ASIC2: variants seen among roughly 807,000 people sequenced by gnomAD.
ASIC2 encodes the protein acid-sensing ion channel 2.
A neutral mutation model predicts 57.3 loss-of-function variants in ASIC2; 25 were observed. The ratio of observed to expected loss-of-function variants is 0.44; its 90% confidence interval spans 0.32 to 0.61. The LOEUF (loss-of-function observed/expected upper bound fraction) is 0.61. Ranked by LOEUF, ASIC2 falls within the 20% of genes least tolerant of loss-of-function variation. ASIC2 has a pLI of 0.06. For missense variants in ASIC2, 641 were observed against 738.1 expected (o/e 0.87, Z 1.52); for synonymous variants, 319 against 307.5 (o/e 1.04, Z -0.39).
At chr17:33,388,061 T>A (rs1048304858) in intron 1 of ASIC2, among the ~76,000 whole-genome samples, 2 of 151,476 alleles carry the variant, frequency 1.3e-5, no homozygotes, top group Admixed American at 1.3e-4. Context: ...GCCTGGACAA[T>A]AGAGAGAGAC....
At chr17:33,355,981 A>G (rs1166600888) in intron 1 of ASIC2, among the ~76,000 whole-genome samples, 1 of 152,238 alleles carries the variant, frequency 6.6e-6, no homozygotes, top group East Asian at 1.9e-4. Flanking sequence ...GGTAGTGGTC[A>G]GGGAAGGCTT....
chr17:33,570,802 C>CCT (rs376055061), intron 1 of ASIC2, among the ~76,000 whole-genome samples: 2 of 151,654 alleles, frequency 1.3e-5, no homozygotes, highest in Non-Finnish European at 2.9e-5. Context: ...GATGACCAGG[C>CCT]CTCTCTCTCT....
intron 1 of ASIC2, among the ~76,000 whole-genome samples, chr17:34,024,129 C>G (rs1041888449): frequency 6.6e-6 from 1 of 152,170 alleles, no homozygotes; most frequent in East Asian, 1.9e-4. Flanking sequence ...TCTTGAGAAC[C>G]TGGACTCAGT....
At chr17:33,153,671 A>G (rs1380420711) in intron 1 of ASIC2, among the ~76,000 whole-genome samples, 1 of 152,170 alleles carries the variant, frequency 6.6e-6, no homozygotes, top group Non-Finnish European at 1.5e-5. Flanking sequence ...TATGGTGAAC[A>G]CTGATGTCTC....
intron 1 of ASIC2, among the ~76,000 whole-genome samples, chr17:33,917,185 G>T (rs964037220): frequency 6.6e-6 from 1 of 151,912 alleles, no homozygotes; most frequent in African/African-American, 2.4e-5. Flanking sequence ...CCTGCACTCT[G>T]CTGTATCCTA....
At chr17:33,350,724 A>G (rs975607170) in intron 1 of ASIC2, among the ~76,000 whole-genome samples, 1 of 151,954 alleles carries the variant, frequency 6.6e-6, no homozygotes, top group African/African-American at 2.4e-5. Context: ...ATATTTAACC[A>G]CTAACTTCTC....
intron 1 of ASIC2, among the ~76,000 whole-genome samples, chr17:33,778,537 G>A (rs1911352478): frequency 6.6e-6 from 1 of 152,058 alleles, no homozygotes; most frequent in Non-Finnish European, 1.5e-5. Context: ...TTCACCTCCT[G>A]GGGATAAACA....
In ASIC2 at chr17:33,613,792, T is replaced by A. The variant is rs1366777677; in HGVS notation, c.556-501725A>T. ...GTCTTCCTGCATCAGCACCCACGGG[T>A]CTTTCTCATACTACTTAATGCCTTT... On this transcript the variant is annotated intron_variant, in intron 1 of 9. Transcript: ENST00000359872. Among the ~76,000 whole-genome samples, 9 of 152,184 alleles carry A rather than the reference T, an allele frequency of 5.9e-5. No homozygotes were observed. The East Asian group carries it at 1.7e-3, about 29-fold the overall frequency.
intron 1 of ASIC2, among the ~76,000 whole-genome samples, chr17:33,863,892 C>CTTTTTTTT (rs771558000): frequency 7.5e-6 from 1 of 133,422 alleles, no homozygotes; most frequent in African/African-American, 2.6e-5. Context: ...ACAGTTACCT[C>CTTTTTTTT]TTTTTTTGTT....
intron 1 of ASIC2, among the ~76,000 whole-genome samples, chr17:34,083,657 A>G (rs1909982994): frequency 6.6e-6 from 1 of 152,070 alleles, no homozygotes. Flanking sequence ...AAGTGTTCCT[A>G]TTTCTCCACA....
At chr17:34,118,047 G>A (rs1911479622) in intron 1 of ASIC2, among the ~76,000 whole-genome samples, 1 of 152,146 alleles carries the variant, frequency 6.6e-6, no homozygotes, top group African/African-American at 2.4e-5. Context: ...GTCAGGCTGG[G>A]GGGTCTCCTG....
At chr17:33,136,678 G>A (rs2092368279) in intron 1 of ASIC2, among the ~76,000 whole-genome samples, 2 of 152,190 alleles carry the variant, frequency 1.3e-5, no homozygotes, top group Non-Finnish European at 2.9e-5. Context: ...TACTTAAAGA[G>A]TATGCATAAC....
At chr17:33,247,480 A>G (rs1908729827) in intron 1 of ASIC2, among the ~76,000 whole-genome samples, 2 of 152,194 alleles carry the variant, frequency 1.3e-5, no homozygotes. Flanking sequence ...GAATCCAAAA[A>G]GAAAAAAAAA....
chr17:33,914,338 G>C (rs1477188635), intron 1 of ASIC2, among the ~76,000 whole-genome samples: 1 of 152,156 alleles, frequency 6.6e-6, no homozygotes, highest in Non-Finnish European at 1.5e-5. Context: ...GCCTCTCAGG[G>C]CAGCCAGTGG....
At chr17:33,297,751 G>A (rs937905061), upstream of ASIC2, among the ~76,000 whole-genome samples, 1 of 151,862 alleles carries the variant, frequency 6.6e-6, no homozygotes, top group Non-Finnish European at 1.5e-5. Flanking sequence ...GAGCCTGCAA[G>A]GTCGAGACTG....
At chr17:33,558,223 A>G (rs1597784012) in intron 1 of ASIC2, among the ~76,000 whole-genome samples, 1 of 151,470 alleles carries the variant, frequency 6.6e-6, no homozygotes, top group East Asian at 2.0e-4. Context: ...GGCCACTACC[A>G]GTCCGACCCT....
chr17:34,076,615 T>C (rs1355908775), intron 1 of ASIC2, among the ~76,000 whole-genome samples: 1 of 152,220 alleles, frequency 6.6e-6, no homozygotes, highest in African/African-American at 2.4e-5. Flanking sequence ...GAATGGAGCT[T>C]TGAGGGCTCT....
At chr17:33,761,683 C>T (rs1910784518) in intron 1 of ASIC2, among the ~76,000 whole-genome samples, 1 of 152,078 alleles carries the variant, frequency 6.6e-6, no homozygotes, top group Non-Finnish European at 1.5e-5. Context: ...ACACCAGTTA[C>T]CATGGAGCCC....
At chr17:33,875,230 GA>G (rs1914518804) in intron 1 of ASIC2, among the ~76,000 whole-genome samples, 1 of 152,166 alleles carries the variant, frequency 6.6e-6, no homozygotes, top group Non-Finnish European at 1.5e-5. Context: ...TGAATAAATG[GA>G]AATAGAATAG....
Sources: allele counts gnomAD v4.1 joint callset (sites outside exome capture counted in the v4.1 genomes callset), GRCh38; gene constraint gnomAD v4.1.1; transcripts MANE v1.5; gene names NCBI Gene and HGNC (gene_info 2026-07-23, HGNC 2026-07-21).